The following CUBN variants were observed in gnomAD, a reference collection of about 807,000 sequenced individuals.
CUBN encodes the protein 460 kDa receptor.
A neutral mutation model predicts 405.3 loss-of-function variants in CUBN; 282 were observed. The observed-to-expected ratio is 0.70, with a 90% CI of 0.63 to 0.77. The LOEUF is 0.77. Among genes scored for constraint, CUBN ranks in the 30% least tolerant of loss-of-function variants. The pLI is 0.00. For missense variants in CUBN, 4,514 were observed against 4,475.2 expected (o/e 1.01, Z -0.25); for synonymous variants, 1,684 against 1,617.0 (o/e 1.04, Z -0.99).
At chr10:16,872,375 TAA>T (rs1278265394) in intron 58 of CUBN, among the ~76,000 whole-genome samples, 1 of 148,504 alleles carries the variant, frequency 6.7e-6, no homozygotes, top group Non-Finnish European at 1.5e-5. Context: ...GATAGACAGA[TAA>T]AGAGAGAGAG....
chr10:16,831,793 T>C (rs2131304668), intron 64 of CUBN, among the ~76,000 whole-genome samples: 1 of 152,284 alleles, frequency 6.6e-6, no homozygotes, highest in Non-Finnish European at 1.5e-5. Flanking sequence ...GGGGCAATGT[T>C]GCCTGCTCTG....
chr10:17,060,923 C>G lies in CUBN; in HGVS notation c.3139+4585G>C, dbSNP rs564945629. Among the ~76,000 whole-genome samples, 3 of 152,192 alleles carry G rather than the reference C, an allele frequency of 2.0e-5. No individual in the cohort carries two copies. In the East Asian group the frequency reaches 5.8e-4, roughly 30 times the overall value. On this transcript the variant is annotated intron_variant, in intron 22 of 66. Coordinates refer to ENST00000377833, the MANE Select transcript of CUBN (RefSeq NM_001081.4). ...AAATTAGCCAGGCATGGTGACCATG[C>G]CTGTAATCCCAGCTACTTGGGAGGC...
intron 17 of CUBN, among the ~76,000 whole-genome samples, chr10:17,074,547 G>A (rs1835811247): frequency 6.6e-6 from 1 of 152,128 alleles, no homozygotes; most frequent in African/African-American, 2.4e-5. Flanking sequence ...CAATTTTAAT[G>A]CATACTGAAT....
At position 16,976,320 on chromosome 10, in the gene CUBN, G is replaced by A. The variant is rs117666869; in HGVS notation, c.4695+6164C>T. Among the ~76,000 whole-genome samples, 890 of 152,018 alleles carry A rather than the reference G, an allele frequency of 5.9e-3. 8 individuals carry two copies. The highest frequency in any genetic ancestry group is 0.014 in the Middle Eastern group (4 of 294). Reference sequence around the variant, plus strand: ...TTAGGAGAGCATAGAGTTCCTGGCCGGTAGTTACTTTTTTTTCTTTAATCT... The same window carrying A: ...TTAGGAGAGCATAGAGTTCCTGGCCAGTAGTTACTTTTTTTTCTTTAATCT... On this transcript the variant is annotated intron_variant, in intron 31 of 66. Coordinates refer to ENST00000377833, the MANE Select transcript of CUBN (RefSeq NM_001081.4).
chr10:16,898,424 G>A (rs998054863), intron 54 of CUBN, among the ~76,000 whole-genome samples: 5 of 151,874 alleles, frequency 3.3e-5, no homozygotes, highest in Non-Finnish European at 7.4e-5. Context: ...TATTTCCACT[G>A]GAAAGGCACA....
intron 62 of CUBN, 147 bp downstream of exon 62, chr10:16,840,183 T>C (rs1373917037): frequency 8.7e-6 from 6 of 690,454 alleles, no homozygotes; most frequent in African/African-American, 7.1e-5. Context: ...TGTAACAAAC[T>C]TGCACATTGT....
intron 28 of CUBN, among the ~76,000 whole-genome samples, chr10:17,007,791 G>A (rs909685649): frequency 4.6e-5 from 7 of 152,280 alleles, no homozygotes; most frequent in East Asian, 1.9e-4. Flanking sequence ...CATCCCTTGC[G>A]GGGCTGTGCA....
At chr10:17,100,560 G>A (rs565815298) in intron 13 of CUBN, among the ~76,000 whole-genome samples, 1 of 152,270 alleles carries the variant, frequency 6.6e-6, no homozygotes, top group South Asian at 2.1e-4. Flanking sequence ...TTCTAAAGCA[G>A]TAAAATAAAT....
intron 62 of CUBN, among the ~76,000 whole-genome samples, chr10:16,839,410 T>C (rs1216008277): frequency 6.6e-6 from 1 of 151,998 alleles, no homozygotes; most frequent in African/African-American, 2.4e-5. Flanking sequence ...GCGAAGGATA[T>C]GAACAGACAC....
rs1430562314 is a variant in CUBN at position 17,115,601 on chromosome 10, T to G, written c.594-4A>C. ...CGTCTCAGGTGGGCAGTGACAACTG[T>G]TGGTTACACAAGAGCACAATGTCAG... On this transcript the variant is annotated splice_polypyrimidine_tract_variant and splice_region_variant and intron_variant, in intron 6 of 66. Transcript: ENST00000377833. 1.2e-6 allele frequency: 2 copies of G among 1,614,190 alleles called. No homozygotes were observed. Among genetic ancestry groups the G allele is most frequent in the Admixed American group, 3.3e-5 (2 of 60,022 alleles).
chr10:17,078,258 T>C (rs571519687), intron 17 of CUBN, among the ~76,000 whole-genome samples: 1 of 152,338 alleles, frequency 6.6e-6, no homozygotes, highest in South Asian at 2.1e-4. Flanking sequence ...CATATTTCTC[T>C]TTTCCATCCC....
intron 29 of CUBN, among the ~76,000 whole-genome samples, chr10:16,987,435 A>G (rs1833458074): frequency 6.6e-6 from 1 of 152,212 alleles, no homozygotes; most frequent in South Asian, 2.1e-4. Context: ...TGTTTTGAAC[A>G]TTTCTTTCTG....
chr10:16,996,888 T>G (rs148867066), intron 28 of CUBN, among the ~76,000 whole-genome samples: 1 of 152,142 alleles, frequency 6.6e-6, no homozygotes, highest in South Asian at 2.1e-4. Flanking sequence ...CCTCCCACCC[T>G]TATCCCTTCA....
At chr10:16,996,866 C>G (rs1053451376) in intron 28 of CUBN, among the ~76,000 whole-genome samples, 4 of 152,164 alleles carry the variant, frequency 2.6e-5, no homozygotes, top group African/African-American at 9.7e-5. Context: ...AGAAGTGATT[C>G]ATCACCGACA....
At chr10:17,109,246 T>G (rs1836711298) in intron 10 of CUBN, among the ~76,000 whole-genome samples, 1 of 152,176 alleles carries the variant, frequency 6.6e-6, no homozygotes. Context: ...TTATTTCAGC[T>G]GGACTCAGGA....
At chr10:16,960,316 A>AC (rs1445297481) in intron 31 of CUBN, among the ~76,000 whole-genome samples, 1 of 152,150 alleles carries the variant, frequency 6.6e-6, no homozygotes, top group Admixed American at 6.5e-5. Context: ...ACATGGTGAA[A>AC]CCCCATCTCT....
At chr10:16,975,301 C>T (rs1435485059) in intron 31 of CUBN, among the ~76,000 whole-genome samples, 1 of 152,238 alleles carries the variant, frequency 6.6e-6, no homozygotes, top group African/African-American at 2.4e-5. Flanking sequence ...CCTCCTGCTG[C>T]ACTTTGTTAA....
chr10:16,906,383 G>C lies in CUBN; in HGVS notation c.7732C>G (p.Pro2578Ala). 6.2e-7 allele frequency: 1 copy of C among 1,613,790 alleles called. No individual in the cohort carries two copies. Among genetic ancestry groups the C allele is most frequent in the Non-Finnish European group, 8.5e-7 (1 of 1,179,758 alleles). Residue 2578 changes from proline (P) to alanine (A), a missense_variant, in exon 50 of 67, where the codon CCT (proline) becomes GCT (alanine). Physicochemically the swap from Pro to Ala is conservative, Grantham distance 27. This residue lies in a region of CUBN where 1,613 missense variants were observed against 1,542.8 expected (regional missense o/e 1.05). Transcript: ENST00000377833. ...AVCGGSLPNT[P>A]EGNFTSPGYD... ...CCAGGAGAAGTAAAGTTTCCTTCAG[G>C]AGTATTTGGAAGAGACCCACCACAC...
At chr10:17,105,322 T>C in intron 11 of CUBN, 135 bp downstream of exon 11, 1 of 748,610 alleles carries the variant, frequency 1.3e-6, no homozygotes, top group Non-Finnish European at 2.5e-6. Context: ...ATCTTTCATC[T>C]GAGAGTTCTC....
Sources: allele counts gnomAD v4.1 joint callset (sites outside exome capture counted in the v4.1 genomes callset), GRCh38; gene constraint gnomAD v4.1.1; regional missense constraint gnomAD v4.1.1; transcripts MANE v1.5; gene names NCBI Gene and HGNC (gene_info 2026-07-23, HGNC 2026-07-21).